Variants in IMPG1 observed in about 807,000 individuals in gnomAD.
The protein encoded by IMPG1 is interphotoreceptor matrix proteoglycan of 150 kDa.
In IMPG1, 85 loss-of-function variants were observed where a neutral mutation model predicts 92.0. The observed-to-expected ratio is 0.92, with a 90% confidence interval of 0.78 to 1.11. The LOEUF is 1.11. IMPG1 is among the 50% of genes least tolerant of loss of function. The pLI, the probability that IMPG1 is intolerant of heterozygous loss-of-function variation, is 0.00. For missense variants in IMPG1, 1,022 were observed against 956.0 expected, an observed-to-expected ratio of 1.07 and a Z score of -0.91; for synonymous variants, 367 against 334.1, an observed-to-expected ratio of 1.10 and a Z score of -1.08.
chr6:75,947,166 G>C (rs1235396436), intron 14 of IMPG1, 148 bp downstream of exon 14: 2 of 635,910 alleles, frequency 3.1e-6, no homozygotes, highest in Non-Finnish European at 5.5e-6. Context: ...CTAATGATGT[G>C]CTCCATAGCT....
chr6:75,997,630 A>G (rs897653374), intron 12 of IMPG1, among the ~76,000 whole-genome samples: 2 of 152,214 alleles, frequency 1.3e-5, no homozygotes, highest in Admixed American at 6.5e-5. Flanking sequence ...CGTGGGTACC[A>G]GCACAGGGAG....
chr6:75,954,182 C>T (rs754562326), intron 12 of IMPG1, among the ~76,000 whole-genome samples: 6 of 152,154 alleles, frequency 3.9e-5, no homozygotes, highest in Non-Finnish European at 7.4e-5. Context: ...CTTGAGGAAT[C>T]GCCAAACTGT....
At chr6:75,999,823 G>A (rs1562364515) in intron 12 of IMPG1, among the ~76,000 whole-genome samples, 2 of 152,192 alleles carry the variant, frequency 1.3e-5, no homozygotes, top group Admixed American at 1.3e-4. Flanking sequence ...ATAGAGCATT[G>A]ACTGAAGGTT....
At position 75,962,980 on chromosome 6, in the gene IMPG1, G is replaced by A. The variant is rs1188042912; in HGVS notation, c.1292-11886C>T. On this transcript the variant is annotated intron_variant, in intron 12 of 16. Transcript: ENST00000369950. ...CACTTGAACCTGGGAGGCGGAGGCT[G>A]CGGTGAGCCAAGATTGCCCCACTGT... Among the ~76,000 whole-genome samples the A allele has an allele frequency of 2.6e-5, 4 of 151,988 alleles. No homozygotes were observed. In the East Asian group the frequency reaches 7.7e-4, roughly 29 times the overall value.
chr6:75,974,245 A>ACTTT (rs202002730), intron 12 of IMPG1, among the ~76,000 whole-genome samples: 1 of 151,518 alleles, frequency 6.6e-6, no homozygotes, highest in African/African-American at 2.4e-5. Flanking sequence ...TTTAATGAGG[A>ACTTT]CTTTCTTTCT....
At position 76,032,467 on chromosome 6, in the gene IMPG1, G is replaced by A. The variant is rs145530094; in HGVS notation, c.497+1848C>T. Among the ~76,000 whole-genome samples the A allele has an allele frequency of 5.8e-3, 884 of 152,260 alleles. 10 individuals carry two copies. Among genetic ancestry groups the A allele is most frequent in the African/African-American group, 0.02 (838 of 41,536 alleles). ...CAATATCTTTTTAAAATCTATAAAA[G>A]AGTGGCTTGATAGACATAATTGATT... On this transcript the variant is annotated intron_variant, in intron 4 of 16. Transcript: ENST00000369950.
At chr6:76,041,718 C>A (rs1412302181) in intron 2 of IMPG1, among the ~76,000 whole-genome samples, 175 bp downstream of exon 2, 1 of 152,294 alleles carries the variant, frequency 6.6e-6, no homozygotes, top group African/African-American at 2.4e-5. Context: ...CTGATATCTA[C>A]CATAGTTTTG....
chr6:76,050,816 T>C (rs999272426), intron 1 of IMPG1, among the ~76,000 whole-genome samples: 5 of 152,178 alleles, frequency 3.3e-5, no homozygotes, highest in African/African-American at 9.6e-5. Flanking sequence ...TTTAACCTTG[T>C]AGGCATACAG....
Position 76,041,969 on chromosome 6 carries a change from T to C in IMPG1, c.225A>G (p.Pro75=). The part of the protein sequence containing the change: ...KHRTKRSAFF[P]TGVKVCPQES... The stretch of plus-strand genomic sequence containing the variant: ...CCTGTGGACAGACTTTAACCCCCGT[T>C]GGGAAAAATGCGGATCTTTTTGTTC... Residue 75 remains proline, a synonymous_variant, in exon 2 of 17, where the codon CCA becomes CCG. Coordinates refer to ENST00000369950, the MANE Select transcript of IMPG1 (RefSeq NM_001563.4). The C allele has an allele frequency of 6.2e-7, 1 of 1,614,070 alleles. No individual in the cohort carries two copies. Among genetic ancestry groups the C allele is most frequent in the African/African-American group, 1.3e-5 (1 of 75,068 alleles).
intron 14 of IMPG1, among the ~76,000 whole-genome samples, chr6:75,944,487 T>C (rs1781889409): frequency 1.3e-5 from 2 of 152,230 alleles, no homozygotes; most frequent in Non-Finnish European, 2.9e-5. Context: ...TGAACCATCA[T>C]CATTTGGTTG....
chr6:76,039,617 A>C (rs1299428143), intron 2 of IMPG1, among the ~76,000 whole-genome samples: 1 of 152,200 alleles, frequency 6.6e-6, no homozygotes, highest in Non-Finnish European at 1.5e-5. Context: ...CGGTCTCACA[A>C]AGTGCTGGGA....
At chr6:76,011,039 T>A in intron 8 of IMPG1, 127 bp downstream of exon 8, 1 of 596,790 alleles carries the variant, frequency 1.7e-6, no homozygotes, top group Non-Finnish European at 3.0e-6. Flanking sequence ...ACGTACTCCG[T>A]TTCCAGGATT....
At position 76,041,935 on chromosome 6, in the gene IMPG1, T is replaced by G; in HGVS notation, c.259A>C (p.Lys87Gln). The G allele has an allele frequency of 6.2e-7, 1 of 1,613,884 alleles. No individual in the cohort carries two copies. The highest frequency in any genetic ancestry group is 1.1e-5 in the South Asian group (1 of 91,074). ...GVKVCPQESM[K>Q]QILDSLQAYY... is the part of the protein sequence containing the mutation. ...GCTTGAAGACTGTCTAAAATCTGTTTCATGGATTCCTGTGGACAGACTTTA... is the reference window on the plus strand; with the variant it reads ...GCTTGAAGACTGTCTAAAATCTGTTGCATGGATTCCTGTGGACAGACTTTA... The change falls in exon 2 of 17, where the codon AAA becomes CAA. Residue 87 changes from lysine (K) to glutamine (Q), a missense_variant. By Grantham distance (53) the Lys-to-Gln change is moderately conservative (BLOSUM62 1). Transcript: ENST00000369950.
At chr6:75,988,917 A>C (rs1782768576) in intron 12 of IMPG1, among the ~76,000 whole-genome samples, 1 of 152,136 alleles carries the variant, frequency 6.6e-6, no homozygotes. Context: ...CAAGGTCTTA[A>C]GCCTTGTTCA....
chr6:76,029,632 G>C (rs1056482911), intron 4 of IMPG1, among the ~76,000 whole-genome samples: 8 of 152,262 alleles, frequency 5.3e-5, no homozygotes, highest in Admixed American at 3.9e-4. Context: ...GGGTAATGTA[G>C]AAATCTGGAT....
chr6:76,068,272 C>T (rs1263498516), intron 1 of IMPG1, among the ~76,000 whole-genome samples: 4 of 152,060 alleles, frequency 2.6e-5, no homozygotes, highest in Admixed American at 2.0e-4. Flanking sequence ...ATGATATGAT[C>T]TTATACGTAG....
chr6:76,046,363 TA>T (rs760053658), intron 1 of IMPG1, among the ~76,000 whole-genome samples: 8 of 152,172 alleles, frequency 5.3e-5, no homozygotes, highest in Non-Finnish European at 8.8e-5. Context: ...AAACAACCTT[TA>T]AGCCAATAGG....
intron 1 of IMPG1, among the ~76,000 whole-genome samples, chr6:76,067,876 G>T (rs1339404108): frequency 1.3e-5 from 2 of 152,098 alleles, no homozygotes; most frequent in African/African-American, 2.4e-5. Flanking sequence ...TGCAAAGACG[G>T]TTCAGCATAT....
At chr6:76,062,678 C>G (rs753328592) in intron 1 of IMPG1, among the ~76,000 whole-genome samples, 3 of 152,134 alleles carry the variant, frequency 2.0e-5, no homozygotes, top group Non-Finnish European at 4.4e-5. Context: ...TCTCCCCAAA[C>G]ACTTTTCTAT....
Sources: gnomAD v4.1 joint callset for allele counts (sites outside exome capture counted in the v4.1 genomes callset) on GRCh38, gnomAD v4.1.1 for gene constraint, MANE v1.5 for transcripts, NCBI Gene and HGNC (gene_info 2026-07-23, HGNC 2026-07-21) for gene names.